The following GMPS variants were observed in gnomAD, a reference collection of about 807,000 sequenced individuals.
The protein encoded by GMPS is guanosine monophosphate synthase.
In GMPS, 15 loss-of-function variants were observed where a neutral mutation model predicts 77.9. The observed-to-expected ratio is 0.19, with a 90% CI of 0.13 to 0.30. The LOEUF (loss-of-function observed/expected upper bound fraction) is 0.30, where lower values mean the gene tolerates loss of function less well. Ranked by LOEUF, GMPS falls within the 10% of genes least tolerant of loss-of-function variation. GMPS has a pLI of 1.00. For missense variants in GMPS, 590 were observed against 838.8 expected, an observed-to-expected ratio of 0.70 and a Z score of 3.66; for synonymous variants, 224 against 275.9, an observed-to-expected ratio of 0.81 and a Z score of 1.86.
intron 1 of GMPS, among the ~76,000 whole-genome samples, chr3:155,887,800 G>GA (rs149572463): frequency 0.055 from 8,305 of 152,178 alleles, 317 homozygotes; most frequent in East Asian, 0.18. Context: ...CGTTCAGGTG[G>GA]AAAAAGTGTA....
intron 2 of GMPS, among the ~76,000 whole-genome samples, chr3:155,897,342 A>G (rs914775188): frequency 2.6e-5 from 4 of 152,142 alleles, no homozygotes; most frequent in Admixed American, 2.0e-4. Flanking sequence ...TACTGACCTG[A>G]TTTCTGAGAG....
chr3:155,916,057 AGAG>A lies in GMPS; in HGVS notation c.1082_1084del (p.Glu361del), dbSNP rs1339366430. On this transcript the variant is annotated inframe_deletion, in exon 9 of 16. Coordinates refer to ENST00000496455, the MANE Select transcript of GMPS (RefSeq NM_003875.3). ...TAATTGGAGAAATGAACTTGAAACC[AGAG>A]GAGGTTTTCCTTGCCCAAGGTACTT... The A allele has an allele frequency of 3.7e-6, 6 of 1,613,358 alleles. No individual in the cohort carries two copies. Among genetic ancestry groups the A allele is most frequent in the East Asian group, 2.2e-5 (1 of 44,890 alleles).
At chr3:155,930,500 A>G (rs951496804) in intron 12 of GMPS, among the ~76,000 whole-genome samples, 3 of 151,296 alleles carry the variant, frequency 2.0e-5, no homozygotes, top group African/African-American at 4.9e-5. Context: ...AAAAGCCAAA[A>G]TTGACAAATG....
intron 12 of GMPS, among the ~76,000 whole-genome samples, chr3:155,929,254 T>C (rs1755538950): frequency 6.6e-6 from 1 of 151,678 alleles, no homozygotes; most frequent in Admixed American, 6.6e-5. Context: ...TGGTATCTCA[T>C]AGTGGTTTTG....
At chr3:155,915,432 C>G (rs1233993020) in intron 8 of GMPS, among the ~76,000 whole-genome samples, 1 of 151,616 alleles carries the variant, frequency 6.6e-6, no homozygotes, top group African/African-American at 2.4e-5. Context: ...GATGGAGTCT[C>G]ACTCTGCCGC....
intron 8 of GMPS, among the ~76,000 whole-genome samples, chr3:155,915,671 T>G (rs1245211118): frequency 1.3e-5 from 2 of 152,192 alleles, no homozygotes; most frequent in African/African-American, 4.8e-5. Flanking sequence ...AGTGCTGGGA[T>G]TACAGGCGTG....
chr3:155,926,646 A>G (rs1288713167), intron 12 of GMPS, among the ~76,000 whole-genome samples: 1 of 152,192 alleles, frequency 6.6e-6, no homozygotes, highest in Non-Finnish European at 1.5e-5. Flanking sequence ...CCTAATAAGC[A>G]TTTTTTCTAA....
chr3:155,876,113 A>G (rs1369831766), intron 1 of GMPS, among the ~76,000 whole-genome samples: 1 of 152,222 alleles, frequency 6.6e-6, no homozygotes, highest in Non-Finnish European at 1.5e-5. Context: ...TCTTCTGTAC[A>G]TTATACACAG....
At chr3:155,913,523 ATT>A (rs5853733) in intron 7 of GMPS, among the ~76,000 whole-genome samples, 5 of 142,234 alleles carry the variant, frequency 3.5e-5, no homozygotes, top group Non-Finnish European at 4.6e-5. Flanking sequence ...ATCAGCATAA[ATT>A]TTTTTTTTTT....
chr3:155,875,555 C>T (rs116340081), intron 1 of GMPS, among the ~76,000 whole-genome samples: 116 of 152,318 alleles, frequency 7.6e-4, no homozygotes, highest in African/African-American at 2.7e-3. Context: ...GTTTTTATGC[C>T]TCTTTCTAAC....
chr3:155,916,226 A>T, intron 9 of GMPS, 34 bp downstream of exon 9: 1 of 1,384,112 alleles, frequency 7.2e-7, no homozygotes, highest in Middle Eastern at 1.8e-4. Flanking sequence ...CATAAAGTAG[A>T]TACATGGAAA....
intron 12 of GMPS, among the ~76,000 whole-genome samples, 160 bp from the exon 13 acceptor site, chr3:155,931,605 T>C (rs1755620275): frequency 6.6e-6 from 1 of 151,978 alleles, no homozygotes; most frequent in Non-Finnish European, 1.5e-5. Flanking sequence ...GTATATACTT[T>C]CATTCAAAAT....
chr3:155,875,471 T>A (rs1317488149), intron 1 of GMPS, among the ~76,000 whole-genome samples: 1 of 152,232 alleles, frequency 6.6e-6, no homozygotes, highest in African/African-American at 2.4e-5. Flanking sequence ...GCTCAGGTGA[T>A]CCACCGGCCT....
chr3:155,913,591 G>A (rs559744311), intron 7 of GMPS, among the ~76,000 whole-genome samples: 2 of 149,946 alleles, frequency 1.3e-5, no homozygotes, highest in East Asian at 2.0e-4. Context: ...GCACAACCTC[G>A]GCTCACTGCA....
chr3:155,927,383 G>C (rs1755483795), intron 12 of GMPS, among the ~76,000 whole-genome samples: 1 of 152,158 alleles, frequency 6.6e-6, no homozygotes, highest in African/African-American at 2.4e-5. Flanking sequence ...TGTGCTAACT[G>C]CTGCTACAAA....
At chr3:155,930,142 G>A (rs1755574759) in intron 12 of GMPS, among the ~76,000 whole-genome samples, 1 of 144,476 alleles carries the variant, frequency 6.9e-6, no homozygotes, top group Non-Finnish European at 1.5e-5. Flanking sequence ...AAACAGCATG[G>A]TACTGGTACC....
chr3:155,884,581 G>T (rs1022937897), intron 1 of GMPS, among the ~76,000 whole-genome samples: 3 of 152,112 alleles, frequency 2.0e-5, no homozygotes, highest in Non-Finnish European at 4.4e-5. Context: ...AATTGGCGTT[G>T]TTTTCAAAGG....
intron 4 of GMPS, among the ~76,000 whole-genome samples, chr3:155,904,664 C>T (rs2108091791): frequency 6.6e-6 from 1 of 152,282 alleles, no homozygotes; most frequent in Non-Finnish European, 1.5e-5. Context: ...ACTGAAGTTA[C>T]TCATTGTCAA....
intron 5 of GMPS, among the ~76,000 whole-genome samples, chr3:155,908,557 G>A (rs1423995132): frequency 6.6e-6 from 1 of 152,172 alleles, no homozygotes; most frequent in Non-Finnish European, 1.5e-5. Flanking sequence ...TCAGGACTAG[G>A]GTGATAGAGG....
Sources: gnomAD v4.1 joint callset for allele counts (sites outside exome capture counted in the v4.1 genomes callset) on GRCh38, gnomAD v4.1.1 for gene constraint, MANE v1.5 for transcripts, NCBI Gene and HGNC (gene_info 2026-07-23, HGNC 2026-07-21) for gene names.